The following ZDHHC15 variants were observed in gnomAD, a reference collection of about 807,000 sequenced individuals.
ZDHHC15 encodes the protein zDHHC palmitoyltransferase 15.
In ZDHHC15, 19 loss-of-function variants were observed where a neutral mutation model predicts 31.7. That is an observed-to-expected ratio of 0.60 (90% confidence interval 0.42 to 0.88). The LOEUF (loss-of-function observed/expected upper bound fraction) is 0.88. ZDHHC15 is among the 40% of genes least tolerant of loss of function. The pLI is 0.00. For missense variants in ZDHHC15, 209 were observed against 251.2 expected (o/e 0.83, Z 1.14); for synonymous variants, 103 against 90.0 (o/e 1.14, Z -0.82).
At chrX:75,411,010 C>G (rs764684119) in intron 10 of ZDHHC15, among the ~76,000 whole-genome samples, 6 of 111,807 alleles carry the variant, frequency 5.4e-5, no homozygotes, top group Non-Finnish European at 1.1e-4. Flanking sequence ...ATTGCATATT[C>G]TTACTCATAT....
At chrX:75,382,014 C>A (rs754903671) in intron 10 of ZDHHC15, among the ~76,000 whole-genome samples, 123 of 112,103 alleles carry the variant, frequency 1.1e-3, no homozygotes, top group Non-Finnish European at 1.9e-3. Context: ...GTTTAAACAT[C>A]ACTAACAATC....
Position 75,386,458 on chromosome X carries a change from G to A in ZDHHC15, c.968-7260C>T, listed in dbSNP as rs183179616. Among the ~76,000 whole-genome samples the A allele has an allele frequency of 3.9e-3, 442 of 112,087 alleles. 5 individuals are homozygous for A. The highest frequency in any genetic ancestry group is 0.013 in the African/African-American group (414 of 30,887). On this transcript the variant is annotated intron_variant, in intron 10 of 11. Transcript: ENST00000373367. ...AAGGGAAAAGCCGCTGTTTAGTTCA[G>A]AAAAGTTCAGTTCTTTTATTGCTAG...
Position 75,379,136 on chromosome X carries a change from G to C in ZDHHC15, c.*16C>G, listed in dbSNP as rs776544159. The C allele has an allele frequency of 1.1e-5, 13 of 1,208,617 alleles. No homozygotes were observed. The highest frequency in any genetic ancestry group is 1.5e-5 in the Non-Finnish European group (13 of 894,019). ...AATACTGACCTGTCTGAGAGATGCA[G>C]GAAATGTGAAAACTGCTATGTTTCC... On this transcript the variant is annotated 3_prime_UTR_variant, in exon 11 of 12. Coordinates refer to ENST00000373367, the MANE Select transcript of ZDHHC15 (RefSeq NM_144969.3).
intron 10 of ZDHHC15, among the ~76,000 whole-genome samples, chrX:75,409,485 C>CA (rs60512653): frequency 1.8e-4 from 5 of 28,542 alleles, no homozygotes; most frequent in African/African-American, 8.5e-4. Context: ...AAGTCCCTGC[C>CA]AAAAAAAAAA....
chrX:75,408,213 TA>T (rs143820906), intron 10 of ZDHHC15, among the ~76,000 whole-genome samples: 2 of 102,334 alleles, frequency 2.0e-5, no homozygotes, highest in African/African-American at 3.5e-5. Flanking sequence ...CAATAAATAC[TA>T]AAAAAAAATA....
intron 10 of ZDHHC15, among the ~76,000 whole-genome samples, chrX:75,398,114 A>G (rs933165609): frequency 8.9e-6 from 1 of 112,147 alleles, no homozygotes; most frequent in African/African-American, 3.2e-5. Context: ...CCTCACTTCC[A>G]TGGCACCTCA....
In ZDHHC15 at chrX:75,496,594, T is replaced by C. The variant is rs941387334; in HGVS notation, c.163+9227A>G. Among the ~76,000 whole-genome samples the C allele has an allele frequency of 5.4e-5, 6 of 111,853 alleles. No individual in the cohort carries two copies. In the Admixed American group the frequency reaches 5.7e-4, roughly 11 times the overall value. The stretch of plus-strand genomic sequence containing the variant: ...CACATGGAACATTTTGCAAGATAGA[T>C]CATATGACAGGACACAAAAAAGTTT... On this transcript the variant is annotated intron_variant, in intron 2 of 11. Coordinates refer to ENST00000373367, the MANE Select transcript of ZDHHC15 (RefSeq NM_144969.3).
At chrX:75,500,156 C>T (rs746783767) in intron 2 of ZDHHC15, among the ~76,000 whole-genome samples, 6 of 109,617 alleles carry the variant, frequency 5.5e-5, no homozygotes, top group African/African-American at 1.7e-4. Flanking sequence ...TAAAAGGCTA[C>T]GCACTGGGTT....
rs2083904733 is a variant in ZDHHC15 at position 75,439,218 on chromosome X, A to G, written c.380-7698T>C. Among the ~76,000 whole-genome samples the G allele has an allele frequency of 8.1e-5, 9 of 111,466 alleles. No individual in the cohort carries two copies. In the South Asian group the frequency reaches 3.4e-3, roughly 42 times the overall value. Reference sequence around the variant, plus strand: ...CTATATCTCTAGCAAGGCCAGGGACATTTTCCTCGGTTTTTCCCCCAAATA... The same window carrying G: ...CTATATCTCTAGCAAGGCCAGGGACGTTTTCCTCGGTTTTTCCCCCAAATA... On this transcript the variant is annotated intron_variant, in intron 4 of 11. Coordinates refer to ENST00000373367, the MANE Select transcript of ZDHHC15 (RefSeq NM_144969.3).
At chrX:75,495,917 A>G (rs765360588) in intron 2 of ZDHHC15, among the ~76,000 whole-genome samples, 13 of 109,005 alleles carry the variant, frequency 1.2e-4, no homozygotes, top group Non-Finnish European at 2.5e-4. Flanking sequence ...TGTACCATAA[A>G]ACTTGAAGCA....
At chrX:75,407,745 C>T (rs1206495489) in intron 10 of ZDHHC15, among the ~76,000 whole-genome samples, 1 of 112,554 alleles carries the variant, frequency 8.9e-6, no homozygotes, top group Non-Finnish European at 1.9e-5. Context: ...GCCATGATGA[C>T]GATGGCAGTT....
intron 2 of ZDHHC15, among the ~76,000 whole-genome samples, chrX:75,496,551 A>G (rs959555826): frequency 1.4e-4 from 16 of 111,949 alleles, no homozygotes; most frequent in African/African-American, 5.2e-4. Flanking sequence ...ACTGCAGAAT[A>G]TACATTCTTT....
chrX:75,493,857 C>T (rs1450720507), intron 2 of ZDHHC15, among the ~76,000 whole-genome samples: 1 of 111,666 alleles, frequency 9.0e-6, no homozygotes, highest in African/African-American at 3.3e-5. Context: ...GAAGCATTCC[C>T]TTTGAAATCT....
chrX:75,518,034 C>A (rs6647139), intron 1 of ZDHHC15, among the ~76,000 whole-genome samples: 20,022 of 109,712 alleles, frequency 0.18, 1,968 homozygotes, highest in East Asian at 0.85. Flanking sequence ...AACCAACCAA[C>A]CAAACAAAAA....
chrX:75,498,313 GA>G (rs1266492994), intron 2 of ZDHHC15, among the ~76,000 whole-genome samples: 6 of 110,640 alleles, frequency 5.4e-5, no homozygotes, highest in Non-Finnish European at 1.1e-4. Flanking sequence ...AACTGGTAAA[GA>G]GAGAAAAAAA....
At chrX:75,394,594 A>G (rs183953076) in intron 10 of ZDHHC15, among the ~76,000 whole-genome samples, 1 of 112,336 alleles carries the variant, frequency 8.9e-6, no homozygotes, top group East Asian at 2.8e-4. Context: ...GAGAAAATAC[A>G]TTTTAAGACA....
chrX:75,415,592 A>C (rs1397849267), intron 10 of ZDHHC15, among the ~76,000 whole-genome samples: 2 of 112,337 alleles, frequency 1.8e-5, no homozygotes, highest in African/African-American at 6.5e-5. Context: ...ATACCTTGAC[A>C]TGTGAGATTA....
intron 2 of ZDHHC15, among the ~76,000 whole-genome samples, chrX:75,489,396 C>T (rs190385943): frequency 3.7e-4 from 41 of 111,673 alleles, no homozygotes; most frequent in South Asian, 2.3e-3. Context: ...GACAAAACAT[C>T]CAGAGGAATG....
At chrX:75,413,686 C>T (rs1602586150) in intron 10 of ZDHHC15, among the ~76,000 whole-genome samples, 1 of 107,220 alleles carries the variant, frequency 9.3e-6, no homozygotes, top group Non-Finnish European at 1.9e-5. Flanking sequence ...AAACAAACAA[C>T]AACAACAAAA....
Sources: gnomAD v4.1 joint callset for allele counts (sites outside exome capture counted in the v4.1 genomes callset) on GRCh38, gnomAD v4.1.1 for gene constraint, MANE v1.5 for transcripts, NCBI Gene and HGNC (gene_info 2026-07-23, HGNC 2026-07-21) for gene names.